The following PALLD variants were observed in gnomAD, a reference collection of about 807,000 sequenced individuals.
The protein encoded by PALLD is palladin, cytoskeletal associated protein.
In PALLD, 61 loss-of-function variants were observed where a neutral mutation model predicts 123.5. That is an observed-to-expected ratio of 0.49 (90% CI 0.40 to 0.61). PALLD has a LOEUF of 0.61. PALLD is among the 20% of genes least tolerant of loss of function. The pLI is 0.00. For synonymous variants in PALLD, 465 were observed against 496.4 expected, an observed-to-expected ratio of 0.94 and a Z score of 0.84; for missense variants, 1,273 against 1,377.0, an observed-to-expected ratio of 0.92 and a Z score of 1.20.
intron 2 of PALLD, among the ~76,000 whole-genome samples, chr4:168,526,572 G>A (rs369920377): frequency 5.5e-4 from 84 of 152,120 alleles, no homozygotes; most frequent in African/African-American, 1.8e-3. Flanking sequence ...GGAGGTCTTC[G>A]TATCCTCAGG....
At chr4:168,907,825 G>A (rs1162642268) in intron 15 of PALLD, among the ~76,000 whole-genome samples, 1 of 151,824 alleles carries the variant, frequency 6.6e-6, no homozygotes, top group African/African-American at 2.4e-5. Context: ...AACTACTCTG[G>A]GTCTATCAAA....
intron 1 of PALLD, 29 bp from the exon 2 acceptor site, chr4:168,511,394 T>C: frequency 2.5e-6 from 2 of 784,646 alleles, no homozygotes; most frequent in South Asian, 3.0e-5. Context: ...AAATCATTGC[T>C]ACTAATGACA....
In PALLD at chr4:168,690,782, T is replaced by C. The variant is rs200890192; in HGVS notation, c.1477+38T>C. ...GCCCATGTCCCCAAATCTGACCATT[T>C]TATTCTCTCCAGCTTCAAGAAAACC... On this transcript the variant is annotated intron_variant, in intron 7 of 21. Coordinates refer to ENST00000505667, the MANE Select transcript of PALLD (RefSeq NM_001166108.2). 1.5e-3 allele frequency: 2,345 copies of C among 1,608,130 alleles called. 37 individuals are homozygous for C. The South Asian group carries it at 0.025, about 17-fold the overall frequency.
intron 2 of PALLD, among the ~76,000 whole-genome samples, chr4:168,627,850 C>G: frequency 6.6e-6 from 1 of 152,140 alleles, no homozygotes; most frequent in African/African-American, 2.4e-5. Context: ...ATAGAATTGG[C>G]TCTTAAATAT....
intron 14 of PALLD, among the ~76,000 whole-genome samples, chr4:168,899,141 C>A (rs1419781669): frequency 3.3e-5 from 5 of 152,090 alleles, no homozygotes; most frequent in Non-Finnish European, 7.4e-5. Context: ...AATCTTTAAT[C>A]AAAAAACCAA....
intron 2 of PALLD, among the ~76,000 whole-genome samples, chr4:168,580,408 A>G (rs965399361): frequency 2.0e-5 from 3 of 152,092 alleles, no homozygotes; most frequent in African/African-American, 7.2e-5. Flanking sequence ...AGTAATGCAA[A>G]TCAAAACCAC....
At chr4:168,520,454 C>T (rs115005851) in intron 2 of PALLD, among the ~76,000 whole-genome samples, 140 of 152,040 alleles carry the variant, frequency 9.2e-4, no homozygotes, top group African/African-American at 3.1e-3. Context: ...AGGCATGCGA[C>T]GCATTGAGAG....
intron 3 of PALLD, 63 bp downstream of exon 3, chr4:168,668,431 C>A (rs1157268275): frequency 3.7e-6 from 5 of 1,354,404 alleles, no homozygotes; most frequent in East Asian, 4.7e-5. Flanking sequence ...ACTCCAGTAT[C>A]TTGGGCATGC....
chr4:168,898,486 G>A lies in PALLD; in HGVS notation c.2251-7G>A, dbSNP rs765852672. ...GAGTCTGCTAACTTAAACTTTCCTT[G>A]ATTCAGGAATACAAAGTCTCCAGCT... On this transcript the variant is annotated splice_polypyrimidine_tract_variant and splice_region_variant and intron_variant, in intron 13 of 21. Transcript: ENST00000505667. The A allele has an allele frequency of 2.5e-6, 4 of 1,596,912 alleles. No individual in the cohort carries two copies. The South Asian group carries it at 4.4e-5, about 18-fold the overall frequency.
At chr4:168,911,835 G>A (rs1223047163) in intron 15 of PALLD, among the ~76,000 whole-genome samples, 4 of 152,166 alleles carry the variant, frequency 2.6e-5, no homozygotes, top group African/African-American at 9.7e-5. Flanking sequence ...GAAACACAGT[G>A]TTTTAACTAT....
intron 10 of PALLD, among the ~76,000 whole-genome samples, chr4:168,801,380 G>A (rs1315746226): frequency 6.6e-6 from 1 of 152,218 alleles, no homozygotes; most frequent in East Asian, 1.9e-4. Context: ...CCGGGTTCAA[G>A]CGATTTTCCT....
At chr4:168,897,993 A>AT (rs1189303318) in intron 13 of PALLD, 1 of 149,942 alleles carries the variant, frequency 6.7e-6, no homozygotes, top group African/African-American at 2.5e-5. Flanking sequence ...TTCTTTTACT[A>AT]TTTTTTCTAT....
intron 9 of PALLD, among the ~76,000 whole-genome samples, chr4:168,709,542 GGAAGGAAGGAAGGA>G (rs1784545575): frequency 3.2e-3 from 3 of 930 alleles, no homozygotes; most frequent in African/African-American, 7.3e-3. Flanking sequence ...AAGGAAGGAA[GGAAGGAAGGAAGGA>G]AGGAAGGAAG....
intron 10 of PALLD, among the ~76,000 whole-genome samples, chr4:168,755,179 G>A (rs927282766): frequency 4.4e-4 from 66 of 149,958 alleles, no homozygotes; most frequent in Middle Eastern, 3.4e-3. Context: ...CTTGCGGTGA[G>A]CCGAGATTGC....
intron 2 of PALLD, among the ~76,000 whole-genome samples, chr4:168,641,107 C>T (rs533742985): frequency 6.6e-6 from 1 of 151,670 alleles, no homozygotes; most frequent in South Asian, 2.1e-4. Flanking sequence ...ACTCGAGAGG[C>T]TGAGGCAGGA....
Position 168,707,734 on chromosome 4 carries a change from C to G in PALLD, c.1502-1294C>G, listed in dbSNP as rs541256324. Among the ~76,000 whole-genome samples the G allele has an allele frequency of 1.2e-4, 19 of 152,292 alleles. No individual in the cohort carries two copies. The East Asian group carries it at 3.7e-3, about 29-fold the overall frequency. On this transcript the variant is annotated intron_variant, in intron 8 of 21. Coordinates refer to ENST00000505667, the MANE Select transcript of PALLD (RefSeq NM_001166108.2). ...ATGTCTACAAAGGAAGGAATAATTGCAGCCATTATTACTAAGAAATGTACA... is the reference window on the plus strand; with the variant it reads ...ATGTCTACAAAGGAAGGAATAATTGGAGCCATTATTACTAAGAAATGTACA...
chr4:168,756,669 C>T (rs1394930930), intron 10 of PALLD, among the ~76,000 whole-genome samples: 2 of 152,000 alleles, frequency 1.3e-5, no homozygotes, highest in African/African-American at 2.4e-5. Flanking sequence ...GGAAGAGAAC[C>T]GAGAGATCTG....
chr4:168,792,005 C>G lies in PALLD; in HGVS notation c.1964+80082C>G, dbSNP rs56399013. Among the ~76,000 whole-genome samples, 1,044 of 152,216 alleles carry G rather than the reference C, an allele frequency of 6.9e-3. 11 individuals are homozygous for G. The highest frequency in any genetic ancestry group is 0.024 in the African/African-American group (1,005 of 41,546). On this transcript the variant is annotated intron_variant, in intron 10 of 21. Coordinates refer to ENST00000505667, the MANE Select transcript of PALLD (RefSeq NM_001166108.2). ...AATACTTAGTACTGAACAGTCATTCCTATCTTTTGGGACCAAGGAACTCTT... is the reference window on the plus strand; with the variant it reads ...AATACTTAGTACTGAACAGTCATTCGTATCTTTTGGGACCAAGGAACTCTT...
At position 168,896,039 on chromosome 4, in the gene PALLD, G is replaced by A. The variant is rs189600776; in HGVS notation, c.2200-510G>A. Among the ~76,000 whole-genome samples, 506 of 152,174 alleles carry A rather than the reference G, an allele frequency of 3.3e-3. 2 individuals are homozygous for A. The highest frequency in any genetic ancestry group is 0.015 in the East Asian group (77 of 5,164). ...AGCCTGACCAACATGGTGAAACCCC[G>A]TCTCTACTGAAAATACAAAAATTAG... On this transcript the variant is annotated intron_variant, in intron 12 of 21. Transcript: ENST00000505667.
Sources: allele counts gnomAD v4.1 joint callset (sites outside exome capture counted in the v4.1 genomes callset), GRCh38; gene constraint gnomAD v4.1.1; transcripts MANE v1.5; gene names NCBI Gene and HGNC (gene_info 2026-07-23, HGNC 2026-07-21).